GUCY2C: variants seen among roughly 807,000 people sequenced by gnomAD.
GUCY2C encodes the protein guanylate cyclase 2C, also known as guanylyl cyclase C.
In GUCY2C, 118 loss-of-function variants were observed where a neutral mutation model predicts 131.1. The ratio of observed to expected loss-of-function variants is 0.90; its 90% CI spans 0.78 to 1.05. The LOEUF (loss-of-function observed/expected upper bound fraction) is 1.05. GUCY2C is among the 50% of genes least tolerant of loss of function. The pLI is 0.00. For synonymous variants in GUCY2C, 452 were observed against 457.8 expected, an observed-to-expected ratio of 0.99 and a Z score of 0.16; for missense variants, 1,161 against 1,304.4, an observed-to-expected ratio of 0.89 and a Z score of 1.69.
chr12:14,653,505 G>T (rs528557942), intron 12 of GUCY2C, among the ~76,000 whole-genome samples: 2 of 152,334 alleles, frequency 1.3e-5, no homozygotes, highest in East Asian at 3.9e-4. Flanking sequence ...ATCAAAAGGA[G>T]CTGGTAATAA....
At chr12:14,693,650 A>G (rs1215539743) in intron 1 of GUCY2C, among the ~76,000 whole-genome samples, 2 of 152,216 alleles carry the variant, frequency 1.3e-5, no homozygotes, top group East Asian at 3.8e-4. Flanking sequence ...TTTACTATGC[A>G]TGCATATTCA....
At chr12:14,629,764 G>A (rs911871941) in intron 19 of GUCY2C, among the ~76,000 whole-genome samples, 1 of 152,180 alleles carries the variant, frequency 6.6e-6, no homozygotes, top group Non-Finnish European at 1.5e-5. Context: ...ATCACCTGGG[G>A]AGCATCTGCA....
chr12:14,669,591 A>C, intron 10 of GUCY2C, 131 bp downstream of exon 10: 1 of 594,636 alleles, frequency 1.7e-6, no homozygotes, highest in Non-Finnish European at 3.0e-6. Context: ...CAAACTGGAC[A>C]GCAGGAAATC....
Position 14,618,688 on chromosome 12 carries a change from G to C in GUCY2C, c.2875+523C>G, listed in dbSNP as rs112044572. ...TGCTGGTATGTTCCTGTAGTCCCAG[G>C]TACTTGGGAGGATGAGGTGGGAGGA... On this transcript the variant is annotated intron_variant, in intron 24 of 26. Coordinates refer to ENST00000261170, the MANE Select transcript of GUCY2C (RefSeq NM_004963.4). Among the ~76,000 whole-genome samples the C allele has an allele frequency of 3.4e-3, 518 of 151,472 alleles. 4 individuals are homozygous for C. Among genetic ancestry groups the C allele is most frequent in the African/African-American group, 0.012 (491 of 41,274 alleles).
At chr12:14,636,396 A>G (rs1222167748) in intron 19 of GUCY2C, among the ~76,000 whole-genome samples, 1 of 152,224 alleles carries the variant, frequency 6.6e-6, no homozygotes, top group African/African-American at 2.4e-5. Context: ...GCATTTGATA[A>G]TATTCAACAT....
intron 19 of GUCY2C, among the ~76,000 whole-genome samples, chr12:14,636,212 A>G (rs1947267089): frequency 6.6e-6 from 1 of 152,208 alleles, no homozygotes; most frequent in African/African-American, 2.4e-5. Context: ...AAGAAAAAAA[A>G]TACTAGCAAA....
At chr12:14,671,152 T>C (rs1199883006) in intron 9 of GUCY2C, among the ~76,000 whole-genome samples, 1 of 152,056 alleles carries the variant, frequency 6.6e-6, no homozygotes, top group Non-Finnish European at 1.5e-5. Flanking sequence ...TCAGTGACCA[T>C]CCTTTTAAAT....
rs11056059 is a variant in GUCY2C, at chr12:14,613,216, C to G, written c.3123G>C (p.Gly1041=). The part of the protein sequence containing the change: ...ANSLQKRQAA[G]IRSQKPRRVA... The stretch of plus-strand genomic sequence containing the variant: ...CCCGTCTGGGTTTTTGGCTTCTTAT[C>G]CCTGCTGCCTGTCTTTTCTGTAAAG... Residue 1041 remains glycine, a synonymous_variant, in exon 27 of 27, where the codon GGG becomes GGC. Coordinates refer to ENST00000261170, the MANE Select transcript of GUCY2C (RefSeq NM_004963.4). The surrounding 1 kb of genome is among the most constrained non-coding windows in gnomAD (Gnocchi z 4.9). 4.0e-4 allele frequency: 650 copies of G among 1,613,408 alleles called. No individual in the cohort carries two copies. The African/African-American group carries it at 4.7e-3, about 12-fold the overall frequency.
At chr12:14,621,950 T>C (rs1946904836) in intron 22 of GUCY2C, 55 bp downstream of exon 22, 1 of 1,250,238 alleles carries the variant, frequency 8.0e-7, no homozygotes. Context: ...ATTCAGGCTC[T>C]GATGACCTTG....
At chr12:14,650,498 G>T (rs1262367669) in intron 15 of GUCY2C, among the ~76,000 whole-genome samples, 1 of 152,076 alleles carries the variant, frequency 6.6e-6, no homozygotes, top group African/African-American at 2.4e-5. Flanking sequence ...CGCCTGCCTC[G>T]GCCTCCTAAA....
intron 21 of GUCY2C, among the ~76,000 whole-genome samples, chr12:14,624,908 G>GAT (rs1946976059): frequency 1.3e-5 from 2 of 152,294 alleles, no homozygotes; most frequent in South Asian, 4.1e-4. Context: ...AGATAACCAG[G>GAT]ATATTGTTTT....
chr12:14,661,940 T>A (rs1177734477), intron 10 of GUCY2C, among the ~76,000 whole-genome samples: 1 of 151,702 alleles, frequency 6.6e-6, no homozygotes, highest in Non-Finnish European at 1.5e-5. Flanking sequence ...CTCAGAAGAG[T>A]AAGTGGAATC....
chr12:14,666,350 A>G (rs931811828), intron 10 of GUCY2C, among the ~76,000 whole-genome samples: 4 of 152,240 alleles, frequency 2.6e-5, no homozygotes, highest in Non-Finnish European at 5.9e-5. Context: ...CATCTACGCA[A>G]GCTTCCAGCT....
intron 8 of GUCY2C, chr12:14,674,189 T>C: frequency 4.5e-6 from 1 of 221,546 alleles, no homozygotes; most frequent in African/African-American, 2.3e-5. Context: ...TTTGTGTTGT[T>C]TTGGAGGGTA....
intron 4 of GUCY2C, among the ~76,000 whole-genome samples, chr12:14,682,765 T>C (rs1948373632): frequency 6.6e-6 from 1 of 152,264 alleles, no homozygotes; most frequent in South Asian, 2.1e-4. Context: ...TGTTTTATTT[T>C]CTTCAGATAA....
At chr12:14,632,928 G>A (rs1476020781) in intron 19 of GUCY2C, among the ~76,000 whole-genome samples, 2 of 152,156 alleles carry the variant, frequency 1.3e-5, no homozygotes, top group Non-Finnish European at 2.9e-5. Flanking sequence ...CTGCAGACTG[G>A]CCTGCCCAGC....
At chr12:14,620,563 CAT>C (rs1393368898) in intron 23 of GUCY2C, among the ~76,000 whole-genome samples, 1 of 152,136 alleles carries the variant, frequency 6.6e-6, no homozygotes, top group Non-Finnish European at 1.5e-5. Flanking sequence ...GAAAGTGACT[CAT>C]GTACTTTCTG....
At chr12:14,668,729 T>G (rs1219956593) in intron 10 of GUCY2C, among the ~76,000 whole-genome samples, 1 of 152,062 alleles carries the variant, frequency 6.6e-6, no homozygotes, top group African/African-American at 2.4e-5. Context: ...TACCACTCAT[T>G]ATGGCAAGCC....
intron 21 of GUCY2C, among the ~76,000 whole-genome samples, chr12:14,623,673 G>C (rs1946943015): frequency 6.6e-6 from 1 of 152,188 alleles, no homozygotes; most frequent in Non-Finnish European, 1.5e-5. Flanking sequence ...CCAATGTTAA[G>C]GGAGGGACCT....
Sources: gnomAD v4.1 joint callset for allele counts (sites outside exome capture counted in the v4.1 genomes callset) on GRCh38, gnomAD v4.1.1 for gene constraint, Gnocchi (gnomAD v3.1) non-coding constraint, MANE v1.5 for transcripts, NCBI Gene and HGNC (gene_info 2026-07-23, HGNC 2026-07-21) for gene names.